Variants in RANBP17 observed in about 807,000 individuals in gnomAD.
The protein encoded by RANBP17 is RAN binding protein 17.
In RANBP17, 158 loss-of-function variants were observed where a neutral mutation model predicts 141.2. The ratio of observed to expected loss-of-function variants is 1.12; its 90% CI spans 0.98 to 1.28. The LOEUF is 1.28. Ranked by LOEUF, RANBP17 falls within the 50% of genes most tolerant of loss-of-function variation. The pLI, the probability that RANBP17 is intolerant of heterozygous loss-of-function variation, is 0.00. For missense variants in RANBP17, 1,438 were observed against 1,290.7 expected (o/e 1.11, Z -1.75); for synonymous variants, 430 against 450.0 (o/e 0.96, Z 0.56).
intron 20 of RANBP17, chr5:171,206,783 A>G (rs1354195839): frequency 1.1e-5 from 2 of 178,954 alleles, no homozygotes; most frequent in African/African-American, 2.4e-5. Context: ...ATACTGACAT[A>G]TCTTTAATTA....
At chr5:171,119,692 A>C (rs1755883429) in intron 14 of RANBP17, among the ~76,000 whole-genome samples, 1 of 152,136 alleles carries the variant, frequency 6.6e-6, no homozygotes, top group South Asian at 2.1e-4. Flanking sequence ...AGGTATTCAA[A>C]GGGACTTGGA....
intron 14 of RANBP17, 155 bp downstream of exon 14, chr5:170,968,532 T>A (rs1372058223): frequency 1.8e-5 from 13 of 736,480 alleles, no homozygotes; most frequent in Non-Finnish European, 2.8e-5. Context: ...AAAATTAAGT[T>A]GCTTGTTTTA....
intron 14 of RANBP17, among the ~76,000 whole-genome samples, chr5:171,137,571 G>GGGGT (rs757634108): frequency 2.2e-4 from 14 of 63,046 alleles, no homozygotes; most frequent in African/African-American, 6.8e-4. Flanking sequence ...GTTGACTTGA[G>GGGGT]ATGTGTGTGT....
intron 14 of RANBP17, among the ~76,000 whole-genome samples, chr5:171,082,132 GC>G (rs1355946117): frequency 6.6e-6 from 1 of 151,966 alleles, no homozygotes; most frequent in African/African-American, 2.4e-5. Flanking sequence ...ATATCCAGTT[GC>G]CTTCTTTGAA....
chr5:171,050,166 T>C (rs942357925), intron 14 of RANBP17, among the ~76,000 whole-genome samples: 2 of 152,166 alleles, frequency 1.3e-5, no homozygotes, highest in Admixed American at 6.6e-5. Context: ...TTTTTCCTTC[T>C]TGCTACCTTT....
chr5:170,989,176 T>C (rs945938406), intron 14 of RANBP17, among the ~76,000 whole-genome samples: 2 of 151,830 alleles, frequency 1.3e-5, no homozygotes, highest in African/African-American at 4.8e-5. Context: ...GGAAGTATTT[T>C]CTAATGCTTA....
At chr5:170,935,339 T>C (rs1773775832) in intron 12 of RANBP17, among the ~76,000 whole-genome samples, 1 of 152,348 alleles carries the variant, frequency 6.6e-6, no homozygotes, top group East Asian at 1.9e-4. Context: ...TCCAGCTTTG[T>C]TCCGTTGCTG....
chr5:170,906,139 G>A (rs1771061431), intron 5 of RANBP17, among the ~76,000 whole-genome samples: 1 of 151,954 alleles, frequency 6.6e-6, no homozygotes, highest in Non-Finnish European at 1.5e-5. Flanking sequence ...ATCAGAAAAT[G>A]AACACTGGAA....
intron 14 of RANBP17, among the ~76,000 whole-genome samples, chr5:171,093,070 A>T (rs1786420989): frequency 6.6e-6 from 1 of 152,018 alleles, no homozygotes; most frequent in Non-Finnish European, 1.5e-5. Context: ...TAGTGCCCCA[A>T]ATTTGTTATT....
chr5:171,071,896 AAACTTTTAAACTTTC>A, intron 14 of RANBP17, among the ~76,000 whole-genome samples: 1 of 152,234 alleles, frequency 6.6e-6, no homozygotes, highest in Non-Finnish European at 1.5e-5. Context: ...TCAAAAGTTT[AAACTTTTAAACTTTC>A]ACTCTAAGAA....
At position 171,095,053 on chromosome 5, in the gene RANBP17, C is replaced by T. The variant is rs544987428; in HGVS notation, c.1711-75077C>T. Among the ~76,000 whole-genome samples the T allele has an allele frequency of 2.3e-3, 351 of 152,296 alleles. 1 individual carries two copies. The highest frequency in any genetic ancestry group is 0.01 in the Middle Eastern group (3 of 294). Reference sequence around the variant, plus strand: ...TATAACATAGCACAGAGGCCCTTGTCAGATGCTGGTACCATATTCTTGGAC... The same window carrying T: ...TATAACATAGCACAGAGGCCCTTGTTAGATGCTGGTACCATATTCTTGGAC... On this transcript the variant is annotated intron_variant, in intron 14 of 27. Coordinates refer to ENST00000523189, the MANE Select transcript of RANBP17 (RefSeq NM_022897.5).
intron 22 of RANBP17, among the ~76,000 whole-genome samples, chr5:171,232,575 G>T (rs1034738740): frequency 6.6e-6 from 1 of 151,604 alleles, no homozygotes; most frequent in Admixed American, 6.6e-5. Flanking sequence ...AATAAATTCT[G>T]TAAGCTTTAA....
chr5:170,903,645 G>T, intron 5 of RANBP17: 1 of 258,050 alleles, frequency 3.9e-6, no homozygotes, highest in South Asian at 6.6e-5. Context: ...ATGGCATCTT[G>T]GCAATGAAGG....
At chr5:170,971,359 T>C (rs1476456774) in intron 14 of RANBP17, among the ~76,000 whole-genome samples, 1 of 152,212 alleles carries the variant, frequency 6.6e-6, no homozygotes, top group Admixed American at 6.5e-5. Context: ...TATAATTTCA[T>C]TGTCACAAAA....
intron 21 of RANBP17, among the ~76,000 whole-genome samples, chr5:171,215,202 G>C (rs1023193173): frequency 1.3e-5 from 2 of 152,064 alleles, no homozygotes; most frequent in Non-Finnish European, 2.9e-5. Context: ...ATGGCTTCCA[G>C]CTTCATCCAT....
intron 14 of RANBP17, among the ~76,000 whole-genome samples, chr5:171,096,659 A>G (rs935148495): frequency 4.6e-5 from 7 of 152,202 alleles, no homozygotes; most frequent in African/African-American, 1.7e-4. Flanking sequence ...AATTAGCTTG[A>G]CTTTGAGAAT....
chr5:170,883,370 C>T (rs926202509), intron 3 of RANBP17, among the ~76,000 whole-genome samples: 2 of 152,214 alleles, frequency 1.3e-5, no homozygotes, highest in African/African-American at 4.8e-5. Context: ...CACACACGCA[C>T]AGCTTCCCAT....
At chr5:171,103,452 C>G (rs1048419938) in intron 14 of RANBP17, among the ~76,000 whole-genome samples, 6 of 152,252 alleles carry the variant, frequency 3.9e-5, no homozygotes, top group South Asian at 2.1e-4. Flanking sequence ...CCCCTCCCCC[C>G]ACAAAGCTCA....
intron 12 of RANBP17, among the ~76,000 whole-genome samples, chr5:170,935,959 G>A (rs2127466480): frequency 6.6e-6 from 1 of 152,176 alleles, no homozygotes; most frequent in Non-Finnish European, 1.5e-5. Context: ...CGAGCTTTCT[G>A]GCTGCTTTGC....
Sources: gnomAD v4.1 joint callset for allele counts (sites outside exome capture counted in the v4.1 genomes callset) on GRCh38, gnomAD v4.1.1 for gene constraint, MANE v1.5 for transcripts, NCBI Gene and HGNC (gene_info 2026-07-23, HGNC 2026-07-21) for gene names.